Variants in SLAIN2 observed in about 807,000 individuals in gnomAD.
The protein encoded by SLAIN2 is SLAIN motif-containing protein 2.
SLAIN2 carries 31 observed loss-of-function variants against 56.6 expected under a neutral mutation model. The observed-to-expected ratio is 0.55, with a 90% CI of 0.41 to 0.74. The LOEUF is 0.74. Ranked by LOEUF, SLAIN2 falls within the 30% of genes least tolerant of loss-of-function variation. SLAIN2 has a pLI of 0.00. For synonymous variants in SLAIN2, 317 were observed against 284.9 expected (o/e 1.11, Z -1.13); for missense variants, 777 against 754.2 (o/e 1.03, Z -0.35).
intron 6 of SLAIN2, among the ~76,000 whole-genome samples, chr4:48,419,823 A>T (rs541220415): frequency 1.3e-5 from 2 of 152,282 alleles, no homozygotes; most frequent in East Asian, 3.9e-4. Context: ...GGCCCACATT[A>T]GTTGCTACTG....
At chr4:48,363,790 G>A (rs1441041548) in intron 1 of SLAIN2, among the ~76,000 whole-genome samples, 1 of 134,214 alleles carries the variant, frequency 7.5e-6, no homozygotes, top group African/African-American at 2.7e-5. Context: ...CTGGCCGGGT[G>A]GGGGGGCTGA....
intron 2 of SLAIN2, among the ~76,000 whole-genome samples, chr4:48,372,017 C>T (rs1017002604): frequency 6.8e-6 from 1 of 147,178 alleles, no homozygotes; most frequent in African/African-American, 2.6e-5. Context: ...CACACATATA[C>T]ATATATACAC....
intron 2 of SLAIN2, among the ~76,000 whole-genome samples, chr4:48,377,488 T>G (rs1437285944): frequency 6.6e-6 from 1 of 151,932 alleles, no homozygotes; most frequent in Non-Finnish European, 1.5e-5. Context: ...CCAAAGAATA[T>G]TTTTTAAAAT....
Position 48,421,999 on chromosome 4 carries a change from G to C in SLAIN2, c.1680-12G>C. 6.3e-7 allele frequency: 1 copy of C among 1,592,694 alleles called. No homozygotes were observed. The highest frequency in any genetic ancestry group is 8.6e-7 in the Non-Finnish European group (1 of 1,165,584). On this transcript the variant is annotated splice_polypyrimidine_tract_variant and intron_variant, in intron 7 of 7. Coordinates refer to ENST00000264313, the MANE Select transcript of SLAIN2 (RefSeq NM_020846.2). ...TTTATCAAATTTTAATTACAAAATTGCTTTATTACAGATCCTTGCCAGCTC... is the reference window on the plus strand; with the variant it reads ...TTTATCAAATTTTAATTACAAAATTCCTTTATTACAGATCCTTGCCAGCTC...
At chr4:48,394,729 G>A in intron 6 of SLAIN2, 1 of 1,132,216 alleles carries the variant, frequency 8.8e-7, no homozygotes. Flanking sequence ...GGCATACTGA[G>A]TCAGTGGTGT....
At chr4:48,367,038 G>A (rs1715539945) in intron 1 of SLAIN2, among the ~76,000 whole-genome samples, 1 of 152,126 alleles carries the variant, frequency 6.6e-6, no homozygotes, top group Non-Finnish European at 1.5e-5. Context: ...CAAAGAATAT[G>A]ATATGTATTG....
At chr4:48,377,009 T>C (rs1186128742) in intron 2 of SLAIN2, among the ~76,000 whole-genome samples, 1 of 150,818 alleles carries the variant, frequency 6.6e-6, no homozygotes, top group South Asian at 2.1e-4. Flanking sequence ...ATCCAAACTT[T>C]GAAAAGGCGA....
At chr4:48,368,064 T>TTTTTTTTTTTTG (rs1577717426) in intron 1 of SLAIN2, among the ~76,000 whole-genome samples, 1 of 146,746 alleles carries the variant, frequency 6.8e-6, no homozygotes. Flanking sequence ...TTTTTTTTTT[T>TTTTTTTTTTTTG]GACAGTGTTG....
intron 1 of SLAIN2, among the ~76,000 whole-genome samples, chr4:48,352,167 G>C (rs1182354324): frequency 6.6e-6 from 1 of 152,168 alleles, no homozygotes; most frequent in Non-Finnish European, 1.5e-5. Flanking sequence ...GTATGTAGGC[G>C]AGAACACAAG....
chr4:48,391,429 C>G (rs1014392066), intron 6 of SLAIN2, among the ~76,000 whole-genome samples: 2 of 152,168 alleles, frequency 1.3e-5, no homozygotes, highest in African/African-American at 4.8e-5. Context: ...GTTATTAAAA[C>G]TCAACAGTTG....
chr4:48,418,603 G>A (rs115639643), intron 6 of SLAIN2, among the ~76,000 whole-genome samples: 2,316 of 152,048 alleles, frequency 0.015, 42 homozygotes, highest in African/African-American at 0.052. Flanking sequence ...ATATTGATCC[G>A]AAGTTTTCTT....
chr4:48,379,039 A>C (rs1167976026), intron 3 of SLAIN2, among the ~76,000 whole-genome samples: 1 of 152,182 alleles, frequency 6.6e-6, no homozygotes, highest in Admixed American at 6.5e-5. Flanking sequence ...ATTATTTAGT[A>C]AAAGTTGACG....
intron 1 of SLAIN2, 63 bp from the exon 2 acceptor site, chr4:48,369,786 T>A: frequency 6.7e-7 from 1 of 1,482,506 alleles, no homozygotes; most frequent in Non-Finnish European, 9.2e-7. Flanking sequence ...TCCAAAAGGA[T>A]CCCTGTTTTA....
At chr4:48,378,216 A>G (rs1183271497) in intron 3 of SLAIN2, among the ~76,000 whole-genome samples, 156 bp downstream of exon 3, 4 of 152,242 alleles carry the variant, frequency 2.6e-5, no homozygotes, top group African/African-American at 9.6e-5. Flanking sequence ...AGCACCAGGT[A>G]CTATATTAGG....
chr4:48,404,193 TG>T (rs1198128482), intron 6 of SLAIN2, among the ~76,000 whole-genome samples: 1 of 152,234 alleles, frequency 6.6e-6, no homozygotes, highest in Non-Finnish European at 1.5e-5. Context: ...CTGTGAGAGC[TG>T]CAGACCACTG....
At chr4:48,361,809 T>C (rs1438815902) in intron 1 of SLAIN2, among the ~76,000 whole-genome samples, 1 of 125,150 alleles carries the variant, frequency 8.0e-6, no homozygotes, top group African/African-American at 2.6e-5. Context: ...ATAAACATGG[T>C]GTATTTTTTC....
intron 1 of SLAIN2, 134 bp downstream of exon 1, chr4:48,342,262 C>T: frequency 1.7e-6 from 2 of 1,169,538 alleles, no homozygotes; most frequent in Non-Finnish European, 2.2e-6. Context: ...TTGTGGTTTT[C>T]TTGCTTTGGC....
chr4:48,387,815 C>A (rs993244171), intron 6 of SLAIN2, among the ~76,000 whole-genome samples: 4 of 151,878 alleles, frequency 2.6e-5, no homozygotes, highest in Non-Finnish European at 4.4e-5. Context: ...TATATGTAAG[C>A]ATTTTTTAAA....
At chr4:48,405,714 T>A (rs1184260704) in intron 6 of SLAIN2, among the ~76,000 whole-genome samples, 2 of 152,192 alleles carry the variant, frequency 1.3e-5, no homozygotes, top group Non-Finnish European at 2.9e-5. Context: ...AATGCCTAGA[T>A]TCATAATTCA....
Sources: allele counts gnomAD v4.1 joint callset (sites outside exome capture counted in the v4.1 genomes callset), GRCh38; gene constraint gnomAD v4.1.1; transcripts MANE v1.5; gene names NCBI Gene and HGNC (gene_info 2026-07-23, HGNC 2026-07-21).